Variants in TENM2 observed in about 807,000 individuals in gnomAD.
TENM2 encodes the protein teneurin-2.
A neutral mutation model predicts 245.2 loss-of-function variants in TENM2; 52 were observed. That is an observed-to-expected ratio of 0.21 (90% CI 0.17 to 0.27). The LOEUF is 0.27. Ranked by LOEUF, TENM2 falls within the 10% of genes least tolerant of loss-of-function variation. The pLI is 1.00. For synonymous variants in TENM2, 1,363 were observed against 1,438.9 expected, an observed-to-expected ratio of 0.95 and a Z score of 1.19; for missense variants, 3,046 against 3,666.8, an observed-to-expected ratio of 0.83 and a Z score of 4.37.
chr5:167,203,935 G>C, the TENM2 span, among the ~76,000 whole-genome samples: 1 of 152,176 alleles, frequency 6.6e-6, no homozygotes, highest in Admixed American at 6.5e-5. Flanking sequence ...GGGAAGGATA[G>C]AAACAAGAGG....
At chr5:167,562,607 C>A (rs1356260262) in intron 2 of TENM2, among the ~76,000 whole-genome samples, 1 of 152,098 alleles carries the variant, frequency 6.6e-6, no homozygotes, top group Non-Finnish European at 1.5e-5. Context: ...CTGAGAAGAG[C>A]TCAGAATGTG....
At chr5:167,460,944 T>A (rs1382397955) in intron 2 of TENM2, among the ~76,000 whole-genome samples, 1 of 152,196 alleles carries the variant, frequency 6.6e-6, no homozygotes, top group Admixed American at 6.5e-5. Context: ...GAAATGAAAT[T>A]GTAAACTCCA....
At chr5:167,879,539 A>G (rs1377700977) in intron 3 of TENM2, among the ~76,000 whole-genome samples, 1 of 152,204 alleles carries the variant, frequency 6.6e-6, no homozygotes, top group Non-Finnish European at 1.5e-5. Context: ...GCCCCTGCAG[A>G]TGGAAGAATG....
the TENM2 span, among the ~76,000 whole-genome samples, chr5:167,140,563 T>C: frequency 6.6e-6 from 1 of 152,214 alleles, no homozygotes; most frequent in Non-Finnish European, 1.5e-5. Context: ...TTCATATTAA[T>C]AAAATCTCAG....
At chr5:167,429,421 G>T (rs1245973165) in intron 2 of TENM2, among the ~76,000 whole-genome samples, 1 of 152,108 alleles carries the variant, frequency 6.6e-6, no homozygotes, top group African/African-American at 2.4e-5. Flanking sequence ...AGGTGCTGCA[G>T]ACATCCGTGT....
At chr5:167,575,536 G>C (rs1227751810) in intron 2 of TENM2, among the ~76,000 whole-genome samples, 1 of 152,074 alleles carries the variant, frequency 6.6e-6, no homozygotes, top group African/African-American at 2.4e-5. Flanking sequence ...GCATCTTGTG[G>C]GTGCAGCCTA....
the TENM2 span, among the ~76,000 whole-genome samples, chr5:167,089,164 A>G: frequency 2.1e-3 from 314 of 152,356 alleles, 2 homozygotes; most frequent in African/African-American, 7.3e-3. Flanking sequence ...AATGTTATAA[A>G]TAGTGCTCAG....
chr5:167,744,048 T>A (rs1361618329), intron 2 of TENM2, among the ~76,000 whole-genome samples: 1 of 152,190 alleles, frequency 6.6e-6, no homozygotes, highest in Non-Finnish European at 1.5e-5. Flanking sequence ...ATTTCAAGGT[T>A]AAATTCTAGA....
chr5:168,245,985 C>G (rs1581753057), intron 26 of TENM2, among the ~76,000 whole-genome samples: 1 of 151,910 alleles, frequency 6.6e-6, no homozygotes, highest in Admixed American at 6.6e-5. Flanking sequence ...GTAATCCCAG[C>G]TCTTTGGGAG....
At chr5:167,965,793 A>T (rs1288041967) in intron 4 of TENM2, among the ~76,000 whole-genome samples, 1 of 152,156 alleles carries the variant, frequency 6.6e-6, no homozygotes, top group Admixed American at 6.5e-5. Flanking sequence ...GGGGGAATTA[A>T]GTTATTTACA....
the TENM2 span, among the ~76,000 whole-genome samples, chr5:167,253,105 A>G: frequency 6.6e-6 from 1 of 151,420 alleles, no homozygotes; most frequent in Non-Finnish European, 1.5e-5. Context: ...TATTATTATT[A>G]TTTTTGAGAC....
At chr5:167,697,550 G>C (rs1466516603) in intron 2 of TENM2, among the ~76,000 whole-genome samples, 1 of 150,760 alleles carries the variant, frequency 6.6e-6, no homozygotes, top group African/African-American at 2.5e-5. Flanking sequence ...TTTTTTTTGA[G>C]ATATAGTTTA....
At chr5:167,170,714 A>C in the TENM2 span, among the ~76,000 whole-genome samples, 1 of 152,076 alleles carries the variant, frequency 6.6e-6, no homozygotes, top group Non-Finnish European at 1.5e-5. Context: ...TTTCTGTTGA[A>C]CCCACTTCAG....
At chr5:167,120,630 T>G in the TENM2 span, among the ~76,000 whole-genome samples, 3 of 152,242 alleles carry the variant, frequency 2.0e-5, no homozygotes, top group African/African-American at 7.2e-5. Context: ...CTAGGTCTGA[T>G]GCATGGACCT....
In TENM2 at chr5:167,357,304, T is replaced by TC. The variant is rs1426203216; in HGVS notation, c.227-17894_227-17893insC. On this transcript the variant is annotated intron_variant, in intron 1 of 28. Coordinates refer to ENST00000518659, the Ensembl canonical transcript of TENM2. ...CTTATGCAAGAGCCATCCTTTCTTTTTTTTTTTTTTTCTTGTTGCCCAGGC... is the reference window on the plus strand; with the variant it reads ...CTTATGCAAGAGCCATCCTTTCTTTTCTTTTTTTTTTTCTTGTTGCCCAGGC... 5.3e-5 allele frequency among the ~76,000 whole-genome samples: 8 copies of TC among 150,812 alleles called. No individual in the cohort carries two copies. The East Asian group carries it at 1.4e-3, about 26-fold the overall frequency.
rs757391209 is a variant in TENM2 at position 168,218,390 on chromosome 5, G to A, written c.4499G>A (p.Arg1500His). ...GAGACAGATGAGAAGAAGATTAACC[G>A]TCTACGCCAGGTAACAACCAACGGG... The change falls in exon 23 of 29, where the codon CGT becomes CAT. Residue 1500 changes from arginine to histidine, a missense_variant. Transcript: ENST00000518659. This position sits in a 1 kb window ranked among gnomAD's most constrained non-coding sequence, Gnocchi z 5.2. The A allele has an allele frequency of 1.6e-5, 26 of 1,613,886 alleles. No individual in the cohort carries two copies. The highest frequency in any genetic ancestry group is 1.3e-4 in the Admixed American group (8 of 60,012).
intron 3 of TENM2, among the ~76,000 whole-genome samples, chr5:167,892,795 T>C (rs1774863979): frequency 6.6e-6 from 1 of 152,228 alleles, no homozygotes; most frequent in Non-Finnish European, 1.5e-5. Flanking sequence ...GCAAGTTCTT[T>C]AATTAACTTC....
chr5:167,363,459 C>A (rs746045305), intron 1 of TENM2, among the ~76,000 whole-genome samples: 1 of 151,984 alleles, frequency 6.6e-6, no homozygotes, highest in African/African-American at 2.4e-5. Flanking sequence ...AGGATGGGCA[C>A]GGTGGCTCAC....
intron 12 of TENM2, among the ~76,000 whole-genome samples, chr5:168,147,382 G>T (rs139680680): frequency 2.7e-4 from 41 of 152,250 alleles, no homozygotes; most frequent in African/African-American, 8.2e-4. Context: ...TATTTTGCAC[G>T]GACGTTTAAT....
Sources: gnomAD v4.1 joint callset for allele counts (sites outside exome capture counted in the v4.1 genomes callset) on GRCh38, gnomAD v4.1.1 for gene constraint, Gnocchi (gnomAD v3.1) non-coding constraint, MANE v1.5 for transcripts, NCBI Gene and HGNC (gene_info 2026-07-23, HGNC 2026-07-21) for gene names.